The following RNF216 variants were observed in gnomAD, a reference collection of about 807,000 sequenced individuals.
RNF216 encodes the protein ring finger protein 216, also known as E3 ubiquitin-protein ligase RNF216.
In RNF216, 72 loss-of-function variants were observed where a neutral mutation model predicts 110.8. The observed-to-expected ratio is 0.65, with a 90% CI of 0.54 to 0.79. RNF216 has a LOEUF of 0.79. RNF216 is among the 30% of genes least tolerant of loss of function. The pLI, the probability that RNF216 is intolerant of heterozygous loss-of-function variation, is 0.00. For synonymous variants in RNF216, 495 were observed against 407.5 expected (o/e 1.21, Z -2.59); for missense variants, 1,342 against 1,141.2 (o/e 1.18, Z -2.54).
chr7:5,774,139 A>G (rs796185210), intron 1 of RNF216, among the ~76,000 whole-genome samples: 80 of 152,224 alleles, frequency 5.3e-4, no homozygotes, highest in African/African-American at 1.9e-3. Flanking sequence ...CTGACACTCA[A>G]GTCTTTTAAT....
chr7:5,676,097 C>T (rs963989568), intron 13 of RNF216, among the ~76,000 whole-genome samples: 5 of 151,864 alleles, frequency 3.3e-5, no homozygotes, highest in Non-Finnish European at 2.9e-5. Context: ...CTGTAACCTT[C>T]GTCTCCCAGG....
chr7:5,660,943 G>GTTTTTTTTTTTTTTTTTTTTTTTTTTT (rs1168463360), intron 13 of RNF216, among the ~76,000 whole-genome samples: 8 of 90,150 alleles, frequency 8.9e-5, no homozygotes, highest in Non-Finnish European at 1.2e-4. Flanking sequence ...GAAGCCTTAG[G>GTTTTTTTTTTTTTTTTTTTTTTTTTTT]TTTTTTTTTT....
intron 13 of RNF216, among the ~76,000 whole-genome samples, chr7:5,695,268 C>G (rs1217868102): frequency 6.6e-6 from 1 of 152,200 alleles, no homozygotes; most frequent in Non-Finnish European, 1.5e-5. Context: ...TACAAAACCA[C>G]CTGCGCAGAC....
chr7:5,699,927 G>A (rs559878753), intron 13 of RNF216, among the ~76,000 whole-genome samples: 6 of 152,170 alleles, frequency 3.9e-5, no homozygotes, highest in Non-Finnish European at 4.4e-5. Context: ...GGCCTTTTAC[G>A]TTCTCAGCTA....
intron 3 of RNF216, among the ~76,000 whole-genome samples, chr7:5,748,953 G>A (rs1468275367): frequency 6.6e-6 from 1 of 152,146 alleles, no homozygotes; most frequent in Non-Finnish European, 1.5e-5. Context: ...TATGCGTTAT[G>A]TGTGTGTGGT....
chr7:5,730,681 G>A, intron 6 of RNF216, 34 bp downstream of exon 6: 1 of 1,597,644 alleles, frequency 6.3e-7, no homozygotes, highest in Non-Finnish European at 8.5e-7. Flanking sequence ...AGCATTTCCA[G>A]GCAGTGACTG....
At chr7:5,672,714 C>CA (rs11387687) in intron 13 of RNF216, among the ~76,000 whole-genome samples, 8,365 of 152,220 alleles carry the variant, frequency 0.055, 337 homozygotes, top group African/African-American at 0.11. Context: ...GAGTCTGGAA[C>CA]AGAGAAGGCC....
intron 13 of RNF216, among the ~76,000 whole-genome samples, chr7:5,675,692 T>C (rs1014339825): frequency 6.6e-5 from 10 of 151,210 alleles, no homozygotes; most frequent in African/African-American, 1.5e-4. Flanking sequence ...ATGAAGCCTA[T>C]AGCGCTAACT....
intron 13 of RNF216, among the ~76,000 whole-genome samples, chr7:5,693,413 C>G (rs1356192704): frequency 6.6e-6 from 1 of 152,180 alleles, no homozygotes; most frequent in East Asian, 1.9e-4. Flanking sequence ...CTCCACTGTA[C>G]TGAGGTACCA....
intron 14 of RNF216, among the ~76,000 whole-genome samples, chr7:5,643,716 G>A (rs79433846): frequency 7.4e-4 from 113 of 152,228 alleles, no homozygotes; most frequent in African/African-American, 2.5e-3. Context: ...CCACTCTAAC[G>A]TATACAATTC....
At chr7:5,725,957 G>A (rs890418427) in intron 7 of RNF216, among the ~76,000 whole-genome samples, 2 of 152,040 alleles carry the variant, frequency 1.3e-5, no homozygotes, top group Admixed American at 1.3e-4. Flanking sequence ...AACACTTACT[G>A]ACAGATTAAA....
intron 1 of RNF216, among the ~76,000 whole-genome samples, chr7:5,777,030 T>C (rs1295549037): frequency 6.6e-6 from 1 of 152,044 alleles, no homozygotes; most frequent in Admixed American, 6.5e-5. Context: ...TTAGGGCTCC[T>C]GGGCCCAGAG....
intron 1 of RNF216, among the ~76,000 whole-genome samples, chr7:5,770,024 C>CAAAA (rs1163710982): frequency 0.047 from 1,130 of 24,144 alleles, 242 homozygotes; most frequent in Admixed American, 0.11. Flanking sequence ...AGACCCATCT[C>CAAAA]AAAAAAAAAA....
In RNF216 at chr7:5,671,805, C is replaced by CAAAAAAAAAA. The variant is rs11319565; in HGVS notation, c.2062-19305_2062-19296dup. Reference sequence around the variant, plus strand: ...GAGCAAAGAGACCAAAACTCCGTCTCAAAAAAAAAAAAAAAAAAAAAAAAG... The same window carrying CAAAAAAAAAA: ...GAGCAAAGAGACCAAAACTCCGTCTCAAAAAAAAAAAAAAAAAAAAAAAAAAAAAAAAAAG... On this transcript the variant is annotated intron_variant, in intron 13 of 16. Coordinates refer to ENST00000389902, the MANE Select transcript of RNF216 (RefSeq NM_207111.4). Among the ~76,000 whole-genome samples the CAAAAAAAAAA allele has an allele frequency of 1.3e-4, 7 of 54,218 alleles. 1 individual carries two copies. The highest frequency in any genetic ancestry group is 5.7e-4 in the African/African-American group (7 of 12,380). The allele number at this position is 54,218 out of a possible 152,430, so 35.6% of individuals were successfully genotyped here. A position where few individuals can be genotyped will look rare whatever the true frequency, so the allele number is the denominator to read the frequency against.
chr7:5,725,943 G>T (rs1424412939), intron 7 of RNF216, among the ~76,000 whole-genome samples: 1 of 151,968 alleles, frequency 6.6e-6, no homozygotes, highest in African/African-American at 2.4e-5. Context: ...GGTGGTGGAA[G>T]CAAAACACTT....
chr7:5,672,462 CAT>C (rs901107105), intron 13 of RNF216, among the ~76,000 whole-genome samples: 5 of 152,318 alleles, frequency 3.3e-5, no homozygotes, highest in East Asian at 3.9e-4. Context: ...ACTACACACA[CAT>C]GATGTAGTGC....
chr7:5,776,759 G>A (rs893479578), intron 1 of RNF216, among the ~76,000 whole-genome samples: 1 of 151,496 alleles, frequency 6.6e-6, no homozygotes, highest in East Asian at 1.9e-4. Flanking sequence ...AAATTAGCTG[G>A]GTGTGGTGGC....
At chr7:5,687,276 A>G (rs1486925228) in intron 13 of RNF216, among the ~76,000 whole-genome samples, 1 of 151,602 alleles carries the variant, frequency 6.6e-6, no homozygotes, top group African/African-American at 2.4e-5. Context: ...GGCGCCTGTA[A>G]TCTCAGCTAC....
chr7:5,781,201 G>A (rs1415512500), intron 1 of RNF216, among the ~76,000 whole-genome samples: 1 of 152,062 alleles, frequency 6.6e-6, no homozygotes, highest in African/African-American at 2.4e-5. Flanking sequence ...CGGCGGCCTC[G>A]GGCCCGGGGG....
Sources: gnomAD v4.1 joint callset for allele counts (sites outside exome capture counted in the v4.1 genomes callset) on GRCh38, gnomAD v4.1.1 for gene constraint, MANE v1.5 for transcripts, NCBI Gene and HGNC (gene_info 2026-07-23, HGNC 2026-07-21) for gene names.